The following SLC12A7 variants were observed in gnomAD, a reference collection of about 807,000 sequenced individuals.
SLC12A7 encodes K-Cl cotransporter 4.
A neutral mutation model predicts 120.6 loss-of-function variants in SLC12A7; 100 were observed. That is an observed-to-expected ratio of 0.83 (90% CI 0.71 to 0.98). The LOEUF is 0.98. SLC12A7 is among the 50% of genes least tolerant of loss of function. The pLI, the probability that SLC12A7 is intolerant of heterozygous loss-of-function variation, is 0.00. For missense variants in SLC12A7, 1,373 were observed against 1,548.1 expected (o/e 0.89, Z 1.90); for synonymous variants, 760 against 678.0 (o/e 1.12, Z -1.88).
intron 1 of SLC12A7, among the ~76,000 whole-genome samples, chr5:1,107,094 G>T (rs977113880): frequency 1.3e-5 from 2 of 152,204 alleles, no homozygotes; most frequent in Non-Finnish European, 2.9e-5. Flanking sequence ...AGTGAACGCT[G>T]ATCAAACGCT....
rs1738390316 is a variant in SLC12A7 at position 1,076,738 on chromosome 5, G to A, written c.1704C>T (p.Gly568=). The change falls in exon 13 of 24, where the codon GGC becomes GGT. Residue 568 remains glycine (G), a synonymous_variant. Transcript: ENST00000264930. The stretch of plus-strand genomic sequence containing the variant: ...CGCTGTCCAGAGAGGCGATGAGGAT[G>A]CCAGTCTCGCAGATGAGGACTGTCA... ...LLLTVLICET[G]ILIASLDSVA... is the part of the protein sequence containing the mutation. The A allele has an allele frequency of 1.2e-6, 2 of 1,611,580 alleles. No individual in the cohort carries two copies. Among genetic ancestry groups the A allele is most frequent in the Non-Finnish European group, 8.5e-7 (1 of 1,179,944 alleles).
At chr5:1,066,495 G>C (rs1737069422) in intron 17 of SLC12A7, among the ~76,000 whole-genome samples, 1 of 152,182 alleles carries the variant, frequency 6.6e-6, no homozygotes. Context: ...GAATTTTAGG[G>C]CCGAGAGCTC....
chr5:1,057,732 G>A (rs889529766), intron 21 of SLC12A7, 83 bp from the exon 22 acceptor site: 1 of 1,365,122 alleles, frequency 7.3e-7, no homozygotes, highest in Admixed American at 2.1e-5. Flanking sequence ...GGCCGGAGGT[G>A]AGGGCAGCTC....
chr5:1,132,024 C>T, the SLC12A7 span, among the ~76,000 whole-genome samples: 1 of 152,188 alleles, frequency 6.6e-6, no homozygotes, highest in Non-Finnish European at 1.5e-5. Flanking sequence ...TTCTCAGTCA[C>T]AAGGTGAGAC....
At chr5:1,056,455 A>G in intron 22 of SLC12A7, 2 of 325,734 alleles carry the variant, frequency 6.1e-6, no homozygotes, top group Non-Finnish European at 8.8e-6. Flanking sequence ...GCGGACGCAC[A>G]CAAGCCACCG....
At chr5:1,108,755 C>T (rs1172790933) in intron 1 of SLC12A7, among the ~76,000 whole-genome samples, 2 of 152,232 alleles carry the variant, frequency 1.3e-5, no homozygotes, top group Non-Finnish European at 1.5e-5. Context: ...ACCCGACAGG[C>T]GAGGACGGCC....
At chr5:1,099,239 G>A (rs111716609) in intron 1 of SLC12A7, among the ~76,000 whole-genome samples, 6 of 152,194 alleles carry the variant, frequency 3.9e-5, no homozygotes, top group Admixed American at 1.3e-4. Context: ...CAGATACCAC[G>A]TGCCCTGAGG....
chr5:1,087,088 G>A (rs1739946726), intron 5 of SLC12A7, 55 bp from the exon 6 acceptor site: 7 of 1,552,732 alleles, frequency 4.5e-6, no homozygotes, highest in South Asian at 3.6e-5. Flanking sequence ...ACTCGGACCC[G>A]AGGTGCGGTC....
At chr5:1,078,523 G>A (rs1247488488) in intron 11 of SLC12A7, 178 bp downstream of exon 11, 3 of 646,580 alleles carry the variant, frequency 4.6e-6, no homozygotes, top group Non-Finnish European at 8.5e-6. Context: ...CAGGCCCTAG[G>A]CTCCAGCGGA....
intron 8 of SLC12A7, among the ~76,000 whole-genome samples, chr5:1,082,837 G>T (rs988099876): frequency 7.5e-5 from 11 of 146,366 alleles, no homozygotes; most frequent in African/African-American, 2.5e-5. Flanking sequence ...CTTGGGTTCT[G>T]GAAAGCCTGG....
intron 22 of SLC12A7, among the ~76,000 whole-genome samples, chr5:1,054,604 C>T (rs531862261): frequency 1.2e-4 from 18 of 152,274 alleles, no homozygotes; most frequent in Non-Finnish European, 8.8e-5. Flanking sequence ...TGCAGCCGTG[C>T]GGTCGTGACT....
At chr5:1,092,302 C>T (rs1392906331) in intron 3 of SLC12A7, among the ~76,000 whole-genome samples, 4 of 152,234 alleles carry the variant, frequency 2.6e-5, no homozygotes, top group Non-Finnish European at 5.9e-5. Flanking sequence ...TCAGGGGTGG[C>T]GTCGACGCAA....
intron 16 of SLC12A7, among the ~76,000 whole-genome samples, chr5:1,074,100 T>C (rs899669301): frequency 2.0e-5 from 3 of 151,522 alleles, no homozygotes; most frequent in Non-Finnish European, 4.4e-5. Context: ...GTTAGACAGG[T>C]GGGACAGGTG....
chr5:1,121,740 A>G, the SLC12A7 span, among the ~76,000 whole-genome samples: 6 of 152,168 alleles, frequency 3.9e-5, no homozygotes, highest in African/African-American at 1.4e-4. Context: ...AGCCATGCCC[A>G]GCACTGAGGG....
Position 1,063,917 on chromosome 5 carries a change from ATGC to A in SLC12A7, c.2663_2665del (p.Ser888del). 1 of 1,611,986 alleles carries A rather than the reference ATGC, an allele frequency of 6.2e-7. No homozygotes were observed. The highest frequency in any genetic ancestry group is 1.1e-5 in the South Asian group (1 of 91,042). The stretch of plus-strand genomic sequence containing the variant: ...CATCTGCAGGTCCTTCTTCATCTGG[ATGC>A]TGTTGTCGTCCACCTGGGCCACGGT... On this transcript the variant is annotated inframe_deletion, in exon 20 of 24. Coordinates refer to ENST00000264930, the MANE Select transcript of SLC12A7 (RefSeq NM_006598.3).
intron 1 of SLC12A7, among the ~76,000 whole-genome samples, chr5:1,106,155 A>G (rs1579442863): frequency 6.6e-6 from 1 of 152,398 alleles, no homozygotes; most frequent in East Asian, 1.9e-4. Context: ...GGCACAGCTT[A>G]GAAAATTCAT....
intron 22 of SLC12A7, chr5:1,056,508 C>T (rs1380458726): frequency 1.2e-5 from 9 of 782,114 alleles, no homozygotes; most frequent in African/African-American, 1.9e-5. Flanking sequence ...CACAGACACA[C>T]GCAGGCCACA....
intron 6 of SLC12A7, 90 bp from the exon 7 acceptor site, chr5:1,085,563 C>A: frequency 4.8e-6 from 7 of 1,469,110 alleles, no homozygotes; most frequent in Non-Finnish European, 6.3e-6. Flanking sequence ...CACACAGGGG[C>A]CTCCTCCCAA....
At chr5:1,100,032 GAGA>G (rs1436126150) in intron 1 of SLC12A7, among the ~76,000 whole-genome samples, 6 of 152,188 alleles carry the variant, frequency 3.9e-5, no homozygotes, top group South Asian at 4.1e-4. Context: ...CATCCAGGGC[GAGA>G]AGAAGAAGGC....
Sources: gnomAD v4.1 joint callset for allele counts (sites outside exome capture counted in the v4.1 genomes callset) on GRCh38, gnomAD v4.1.1 for gene constraint, MANE v1.5 for transcripts, NCBI Gene and HGNC (gene_info 2026-07-23, HGNC 2026-07-21) for gene names.